SERPINI1: variants seen among roughly 807,000 people sequenced by gnomAD.
The protein encoded by SERPINI1 is serpin family I member 1.
A neutral mutation model predicts 41.1 loss-of-function variants in SERPINI1; 19 were observed. That is an observed-to-expected ratio of 0.46 (90% CI 0.32 to 0.68). SERPINI1 has a LOEUF of 0.68. SERPINI1 is among the 30% of genes least tolerant of loss of function. The pLI, the probability that SERPINI1 is intolerant of heterozygous loss-of-function variation, is 0.03. For synonymous variants in SERPINI1, 138 were observed against 156.6 expected, an observed-to-expected ratio of 0.88 and a Z score of 0.89; for missense variants, 460 against 479.2, an observed-to-expected ratio of 0.96 and a Z score of 0.37.
intron 4 of SERPINI1, 95 bp downstream of exon 4, chr3:167,792,879 A>G (rs766752335): frequency 1.5e-5 from 16 of 1,090,148 alleles, no homozygotes; most frequent in Admixed American, 3.7e-5. Context: ...CTCCTTGTCA[A>G]TCTAATTTGG....
intron 4 of SERPINI1, among the ~76,000 whole-genome samples, chr3:167,793,611 G>C (rs1209522688): frequency 8.5e-6 from 1 of 117,936 alleles, no homozygotes; most frequent in African/African-American, 3.8e-5. Flanking sequence ...TAATTAGCTA[G>C]GCATAATGGT....
chr3:167,792,517 T>A, intron 3 of SERPINI1, 73 bp from the exon 4 acceptor site: 1 of 1,278,044 alleles, frequency 7.8e-7, no homozygotes, highest in Non-Finnish European at 1.1e-6. Context: ...AGATGGTGAT[T>A]TGAAAATCTT....
intron 5 of SERPINI1, among the ~76,000 whole-genome samples, chr3:167,797,598 C>G (rs9826801): frequency 0.31 from 47,100 of 151,870 alleles, 7,562 homozygotes; most frequent in African/African-American, 0.35. Flanking sequence ...TGTCTATATA[C>G]AAAAGTCAAG....
intron 5 of SERPINI1, among the ~76,000 whole-genome samples, chr3:167,800,546 C>T (rs1472401658): frequency 6.6e-6 from 1 of 152,122 alleles, no homozygotes; most frequent in African/African-American, 2.4e-5. Context: ...TTTCTAAAGT[C>T]AGCATCAAAT....
chr3:167,811,427 A>G (rs1711874625), intron 6 of SERPINI1, among the ~76,000 whole-genome samples: 1 of 150,646 alleles, frequency 6.6e-6, no homozygotes, highest in Admixed American at 6.8e-5. Context: ...TATTAGGTCA[A>G]AAGACAGAGG....
chr3:167,782,381 A>G (rs1727160865), intron 1 of SERPINI1, among the ~76,000 whole-genome samples: 1 of 152,192 alleles, frequency 6.6e-6, no homozygotes, highest in African/African-American at 2.4e-5. Context: ...TTCAAAGAGA[A>G]GAAAAAATTG....
intron 1 of SERPINI1, among the ~76,000 whole-genome samples, chr3:167,762,601 C>T (rs1388577530): frequency 2.0e-5 from 3 of 152,148 alleles, no homozygotes; most frequent in Non-Finnish European, 2.9e-5. Flanking sequence ...AGCATTTGCA[C>T]TTGCTAATCC....
chr3:167,802,836 A>T (rs200218991), intron 5 of SERPINI1, among the ~76,000 whole-genome samples: 6,429 of 151,036 alleles, frequency 0.043, 212 homozygotes, highest in Middle Eastern at 0.092. Context: ...ACGTATGTTT[A>T]TTGAGGCATT....
intron 2 of SERPINI1, 122 bp downstream of exon 2, chr3:167,789,500 G>A: frequency 8.5e-7 from 1 of 1,181,328 alleles, no homozygotes; most frequent in Admixed American, 1.8e-5. Flanking sequence ...CATTGAAATG[G>A]TATGGCTAGA....
At position 167,794,629 on chromosome 3, in the gene SERPINI1, G is replaced by A. The variant is rs1345397496; in HGVS notation, c.686G>A (p.Ser229Asn). Reference protein sequence around the residue: ...QQGEFYYGEFSDGSNEAGGIY... With the variant: ...QQGEFYYGEFNDGSNEAGGIY... ...TTTATTTTCTTTTTAGGGGAATTTA[G>A]TGATGGCTCCAATGAAGCTGGTGGT... The change falls in exon 5 of 9, where the codon AGT (serine) becomes AAT (asparagine). Residue 229 changes from serine (S) to asparagine (N), a missense_variant. Physicochemically the swap from Ser to Asn is conservative, Grantham distance 46. Transcript: ENST00000446050. The A allele has an allele frequency of 6.2e-7, 1 of 1,613,234 alleles. No homozygotes were observed. The highest frequency in any genetic ancestry group is 8.5e-7 in the Non-Finnish European group (1 of 1,179,616).
rs916616348 is a variant in SERPINI1 at position 167,792,349 on chromosome 3, A to G, written c.482-241A>G. On this transcript the variant is annotated intron_variant, in intron 3 of 8. Transcript: ENST00000446050. The stretch of plus-strand genomic sequence containing the variant: ...TTCTTTTTTATATATATATACACAC[A>G]CATATATATATACACACATATATAT... Among the ~76,000 whole-genome samples the G allele has an allele frequency of 4.9e-5, 7 of 142,650 alleles. No individual in the cohort carries two copies. In the South Asian group the frequency reaches 1.5e-3, roughly 30 times the overall value. The allele number at this position is 142,650 out of a possible 152,430, so 93.6% of individuals were successfully genotyped here.
At chr3:167,823,123 C>G in intron 7 of SERPINI1, 51 bp downstream of exon 7, 1 of 1,258,498 alleles carries the variant, frequency 7.9e-7, no homozygotes, top group South Asian at 1.2e-5. Flanking sequence ...ATTTTTAGAG[C>G]AATCTTGAGT....
chr3:167,748,073 T>C (rs1477217748), intron 1 of SERPINI1, among the ~76,000 whole-genome samples: 1 of 151,894 alleles, frequency 6.6e-6, no homozygotes, highest in Non-Finnish European at 1.5e-5. Context: ...AATATAATAC[T>C]TAGGAACAAA....
intron 8 of SERPINI1, 84 bp downstream of exon 8, chr3:167,824,646 C>T: frequency 1.3e-6 from 1 of 781,450 alleles, no homozygotes; most frequent in Admixed American, 2.3e-5. Flanking sequence ...CCTCAGTACT[C>T]ATCATATAAT....
intron 1 of SERPINI1, among the ~76,000 whole-genome samples, chr3:167,765,110 G>A (rs1000353651): frequency 2.0e-5 from 3 of 152,272 alleles, no homozygotes; most frequent in African/African-American, 7.2e-5. Context: ...CCATTCTGGG[G>A]TCTGGTGGAC....
At chr3:167,790,320 A>C in intron 2 of SERPINI1, 52 bp from the exon 3 acceptor site, 1 of 1,353,174 alleles carries the variant, frequency 7.4e-7, no homozygotes, top group African/African-American at 1.4e-5. Flanking sequence ...ACTCTCCTTG[A>C]CATTTCACCG....
At chr3:167,789,637 C>T (rs1727431688) in intron 2 of SERPINI1, among the ~76,000 whole-genome samples, 3 of 152,080 alleles carry the variant, frequency 2.0e-5, no homozygotes, top group Non-Finnish European at 4.4e-5. Context: ...AAAAAGCAAA[C>T]ATTTTTCTGG....
intron 1 of SERPINI1, among the ~76,000 whole-genome samples, chr3:167,750,771 C>T (rs1243134286): frequency 1.3e-5 from 2 of 152,116 alleles, no homozygotes; most frequent in Non-Finnish European, 2.9e-5. Context: ...ACCTAGTTTG[C>T]ATTTGTTTCC....
At chr3:167,746,984 GT>G (rs1725879977) in intron 1 of SERPINI1, among the ~76,000 whole-genome samples, 1 of 152,158 alleles carries the variant, frequency 6.6e-6, no homozygotes, top group Non-Finnish European at 1.5e-5. Context: ...ATCCACAGGT[GT>G]TCATAACAGC....
Sources: gnomAD v4.1 joint callset for allele counts (sites outside exome capture counted in the v4.1 genomes callset) on GRCh38, gnomAD v4.1.1 for gene constraint, MANE v1.5 for transcripts, NCBI Gene and HGNC (gene_info 2026-07-23, HGNC 2026-07-21) for gene names.